The following EIF5B variants were observed in gnomAD, a reference collection of about 807,000 sequenced individuals.
EIF5B encodes the protein eIF-5B.
EIF5B carries 47 observed loss-of-function variants against 147.5 expected under a neutral mutation model. The ratio of observed to expected loss-of-function variants is 0.32; its 90% CI spans 0.25 to 0.41. EIF5B has a LOEUF of 0.41. Ranked by LOEUF, EIF5B falls within the 10% of genes least tolerant of loss-of-function variation. EIF5B has a pLI of 1.00. For missense variants in EIF5B, 1,064 were observed against 1,413.2 expected (o/e 0.75, Z 3.96); for synonymous variants, 455 against 456.2 (o/e 1.00, Z 0.03).
intron 12 of EIF5B, among the ~76,000 whole-genome samples, chr2:99,380,862 A>T (rs920659640): frequency 4.6e-5 from 7 of 152,216 alleles, no homozygotes; most frequent in Non-Finnish European, 7.3e-5. Flanking sequence ...GAATTTTTGA[A>T]TATTGAAGAG....
chr2:99,358,752 T>G (rs565652325), intron 1 of EIF5B, among the ~76,000 whole-genome samples: 1 of 152,284 alleles, frequency 6.6e-6, no homozygotes, highest in African/African-American at 2.4e-5. Context: ...GTGTACCCCT[T>G]TTACTAAGAA....
intron 12 of EIF5B, 105 bp from the exon 13 acceptor site, chr2:99,382,054 A>C: frequency 2.4e-6 from 2 of 831,658 alleles, no homozygotes; most frequent in Non-Finnish European, 3.9e-6. Context: ...TATATGGAAA[A>C]GGGAGTAGTG....
In EIF5B at chr2:99,382,290, C is replaced by T. The variant is rs371678732; in HGVS notation, c.2129+64C>T. 1,971 of 1,399,664 alleles carry T rather than the reference C, an allele frequency of 1.4e-3. 6 individuals carry two copies. Among genetic ancestry groups the T allele is most frequent in the Non-Finnish European group, 1.9e-3 (1,844 of 990,038 alleles). The allele number at this position is 1,399,664 out of a possible 1,614,324, so 86.7% of individuals were successfully genotyped here. ...CTTGAAACCATTAAGTCTAAAAGTT[C>T]AGCAGAGTCATTAACCTTTGAGTAG... is the stretch of plus-strand genomic sequence containing the variant. On this transcript the variant is annotated intron_variant, in intron 13 of 23. Coordinates refer to ENST00000289371, the MANE Select transcript of EIF5B (RefSeq NM_015904.4).
chr2:99,337,746 C>T (rs1487260680), intron 1 of EIF5B, among the ~76,000 whole-genome samples, 157 bp downstream of exon 1: 2 of 152,128 alleles, frequency 1.3e-5, no homozygotes, highest in Non-Finnish European at 2.9e-5. Flanking sequence ...CCCAAGCCCC[C>T]GGGCCGGGTG....
At chr2:99,372,464 G>A (rs1050863921) in intron 9 of EIF5B, among the ~76,000 whole-genome samples, 13 of 152,148 alleles carry the variant, frequency 8.5e-5, no homozygotes, top group Admixed American at 1.3e-4. Context: ...TCAGCCTCCA[G>A]AGTAGCTGGG....
intron 1 of EIF5B, among the ~76,000 whole-genome samples, chr2:99,342,828 C>T (rs759464524): frequency 6.6e-6 from 1 of 151,966 alleles, no homozygotes; most frequent in Non-Finnish European, 1.5e-5. Context: ...GAGATGGGGT[C>T]TCGCTTTGTT....
chr2:99,390,319 T>G lies in EIF5B; in HGVS notation c.2504T>G (p.Ile835Ser). The G allele has an allele frequency of 1.9e-6, 3 of 1,614,160 alleles. No homozygotes were observed. Among genetic ancestry groups the G allele is most frequent in the Non-Finnish European group, 2.5e-6 (3 of 1,180,014 alleles). The change falls in exon 16 of 24, where the codon ATC becomes AGC. Residue 835 changes from isoleucine (I) to serine (S), a missense_variant. Transcript: ENST00000289371. ...AHTGDGMGSL[I>S]YLLVELTQTM... Reference sequence around the variant, plus strand: ...ACTGGTGATGGCATGGGAAGTCTGATCTACCTTCTTGTAGAGTTAACTCAG... The same window carrying G: ...ACTGGTGATGGCATGGGAAGTCTGAGCTACCTTCTTGTAGAGTTAACTCAG...
intron 10 of EIF5B, 143 bp from the exon 11 acceptor site, chr2:99,378,876 A>T (rs1427178974): frequency 5.0e-6 from 3 of 596,808 alleles, no homozygotes; most frequent in Admixed American, 3.6e-5. Context: ...TTCACATTAT[A>T]AATTCCAATT....
intron 1 of EIF5B, among the ~76,000 whole-genome samples, chr2:99,343,685 G>A (rs369619645): frequency 1.3e-5 from 2 of 151,636 alleles, no homozygotes; most frequent in Non-Finnish European, 2.9e-5. Flanking sequence ...GTGGTAGCAC[G>A]CGCCTGTAGT....
In EIF5B at chr2:99,399,448, C is replaced by G. The variant is rs760188789; in HGVS notation, c.*34C>G. ...CATGGAGCAGGAACTGGAGTAAATG[C>G]AATACTGTGTTGTAATATCCCAACA... is the stretch of plus-strand genomic sequence containing the variant. On this transcript the variant is annotated 3_prime_UTR_variant, in exon 24 of 24. Coordinates refer to ENST00000289371, the MANE Select transcript of EIF5B (RefSeq NM_015904.4). The G allele has an allele frequency of 6.3e-7, 1 of 1,581,814 alleles. No homozygotes were observed. The highest frequency in any genetic ancestry group is 8.7e-7 in the Non-Finnish European group (1 of 1,152,348).
chr2:99,353,081 C>T (rs2105339950), intron 1 of EIF5B, among the ~76,000 whole-genome samples: 1 of 131,318 alleles, frequency 7.6e-6, no homozygotes, highest in Non-Finnish European at 1.5e-5. Flanking sequence ...GTGGCATGAT[C>T]TCAGCTCACT....
Position 99,370,928 on chromosome 2 carries a change from A to G in EIF5B, c.1478-728A>G, listed in dbSNP as rs181326816. On this transcript the variant is annotated intron_variant, in intron 8 of 23. Transcript: ENST00000289371. ...CTTCAGAATTTAAGTATATTTAAAT[A>G]CCTGTAAAGGTTAAAAGCAAAATAA... is the stretch of plus-strand genomic sequence containing the variant. Among the ~76,000 whole-genome samples the G allele has an allele frequency of 3.9e-5, 6 of 152,352 alleles. No individual in the cohort carries two copies. In the East Asian group the frequency reaches 1.2e-3, roughly 29 times the overall value.
At chr2:99,366,694 A>T (rs1183958411) in intron 6 of EIF5B, among the ~76,000 whole-genome samples, 1 of 151,986 alleles carries the variant, frequency 6.6e-6, no homozygotes, top group Non-Finnish European at 1.5e-5. Flanking sequence ...GTTCAATCCC[A>T]GTCAAAATCA....
chr2:99,364,789 T>A (rs147395757), intron 6 of EIF5B, among the ~76,000 whole-genome samples: 51 of 152,282 alleles, frequency 3.3e-4, no homozygotes, highest in African/African-American at 1.2e-3. Flanking sequence ...TGTTTTAAAG[T>A]GAATCCCAAA....
intron 9 of EIF5B, among the ~76,000 whole-genome samples, chr2:99,374,288 T>TAA (rs33936603): frequency 4.6e-5 from 5 of 108,756 alleles, no homozygotes; most frequent in East Asian, 3.0e-4. Flanking sequence ...GACTCTTACC[T>TAA]AAAAAAAAAA....
intron 1 of EIF5B, among the ~76,000 whole-genome samples, chr2:99,348,188 A>G (rs1424245628): frequency 1.3e-5 from 2 of 152,248 alleles, no homozygotes; most frequent in Non-Finnish European, 2.9e-5. Context: ...TAAGATACAC[A>G]TACCCTTTGC....
chr2:99,387,109 T>C (rs996351903), intron 14 of EIF5B, among the ~76,000 whole-genome samples: 1 of 152,050 alleles, frequency 6.6e-6, no homozygotes, highest in African/African-American at 2.4e-5. Context: ...GGTTTCACCA[T>C]GTTGGTCAGG....
intron 1 of EIF5B, among the ~76,000 whole-genome samples, chr2:99,351,844 C>A (rs1006093774): frequency 2.0e-5 from 3 of 151,830 alleles, no homozygotes; most frequent in Middle Eastern, 3.4e-3. Context: ...ATTACAGGCA[C>A]GAGCCACCAT....
chr2:99,363,386 C>G (rs1333051468), intron 4 of EIF5B, among the ~76,000 whole-genome samples: 1 of 152,132 alleles, frequency 6.6e-6, no homozygotes, highest in East Asian at 1.9e-4. Context: ...CTGACAGTAT[C>G]CTTCTGTCTT....
Sources: gnomAD v4.1 joint callset for allele counts (sites outside exome capture counted in the v4.1 genomes callset) on GRCh38, gnomAD v4.1.1 for gene constraint, MANE v1.5 for transcripts, NCBI Gene and HGNC (gene_info 2026-07-23, HGNC 2026-07-21) for gene names.